The following SLC24A2 variants were observed in gnomAD, a reference collection of about 807,000 sequenced individuals.
SLC24A2 encodes sodium/potassium/calcium exchanger 2.
In SLC24A2, 36 loss-of-function variants were observed where a neutral mutation model predicts 62.0. That is an observed-to-expected ratio of 0.58 (90% CI 0.44 to 0.77). SLC24A2 has a LOEUF of 0.77. SLC24A2 is among the 30% of genes least tolerant of loss of function. SLC24A2 has a pLI of 0.00. For missense variants in SLC24A2, 846 were observed against 817.9 expected (o/e 1.03, Z -0.42); for synonymous variants, 358 against 294.0 (o/e 1.22, Z -2.23).
intron 5 of SLC24A2, among the ~76,000 whole-genome samples, chr9:19,595,377 C>T (rs139291958): frequency 6.6e-6 from 1 of 152,242 alleles, no homozygotes; most frequent in East Asian, 1.9e-4. Context: ...TTACCCATCA[C>T]TGTAATGGGG....
chr9:19,862,331 T>G, the SLC24A2 span, among the ~76,000 whole-genome samples: 608 of 152,230 alleles, frequency 4.0e-3, 3 homozygotes, highest in African/African-American at 0.014. Flanking sequence ...TACCCTAGAA[T>G]AGTATATCTG....
chr9:20,082,326 C>A, the SLC24A2 span, among the ~76,000 whole-genome samples: 1 of 152,130 alleles, frequency 6.6e-6, no homozygotes. Context: ...AGATCCAGGT[C>A]CTTATCTTCT....
the SLC24A2 span, among the ~76,000 whole-genome samples, chr9:20,113,077 A>G: frequency 6.7e-6 from 1 of 149,086 alleles, no homozygotes; most frequent in Non-Finnish European, 1.5e-5. Context: ...CCATCCTCAG[A>G]GTTTTGGGGC....
the SLC24A2 span, among the ~76,000 whole-genome samples, chr9:20,154,405 A>G: frequency 6.6e-6 from 1 of 151,732 alleles, no homozygotes; most frequent in Non-Finnish European, 1.5e-5. Context: ...AAAGGAGGAG[A>G]GAATCTGGGG....
At chr9:19,723,001 A>T (rs1169761108) in intron 2 of SLC24A2, among the ~76,000 whole-genome samples, 1 of 152,130 alleles carries the variant, frequency 6.6e-6, no homozygotes, top group Admixed American at 6.6e-5. Context: ...CACTGCAATA[A>T]GATTGTTCAA....
At chr9:19,647,057 C>G (rs1458689554) in intron 2 of SLC24A2, among the ~76,000 whole-genome samples, 12 of 31,958 alleles carry the variant, frequency 3.8e-4, no homozygotes, top group African/African-American at 1.8e-3. Flanking sequence ...TCCACACACA[C>G]ACACACGCGC....
chr9:19,545,757 G>A, intron 8 of SLC24A2, among the ~76,000 whole-genome samples: 1 of 151,816 alleles, frequency 6.6e-6, no homozygotes, highest in Non-Finnish European at 1.5e-5. Flanking sequence ...TCCTGCCTCA[G>A]CCTCCTGAGT....
the SLC24A2 span, among the ~76,000 whole-genome samples, chr9:20,230,828 T>C: frequency 6.6e-6 from 1 of 152,214 alleles, no homozygotes; most frequent in Non-Finnish European, 1.5e-5. Flanking sequence ...TCCTGAATGG[T>C]AATGCCTAGG....
the SLC24A2 span, among the ~76,000 whole-genome samples, chr9:20,208,248 G>C: frequency 6.6e-6 from 1 of 152,142 alleles, no homozygotes; most frequent in African/African-American, 2.4e-5. Context: ...ACGTGGCTGG[G>C]GTAGAAGTCT....
the SLC24A2 span, among the ~76,000 whole-genome samples, chr9:20,185,243 G>A: frequency 3.9e-5 from 6 of 152,076 alleles, no homozygotes; most frequent in Non-Finnish European, 8.8e-5. Context: ...CACACAAAAA[G>A]TATGGGAGGT....
the SLC24A2 span, among the ~76,000 whole-genome samples, chr9:20,272,148 C>T: frequency 2.0e-5 from 3 of 152,148 alleles, no homozygotes; most frequent in Admixed American, 1.3e-4. Context: ...TTGCATAATT[C>T]GTAGAGCCTA....
chr9:19,518,277 A>ATAAT (rs1170320801), intron 10 of SLC24A2, among the ~76,000 whole-genome samples: 2 of 152,222 alleles, frequency 1.3e-5, no homozygotes, highest in African/African-American at 4.8e-5. Flanking sequence ...TAGCCATAAT[A>ATAAT]TAATTCTAAG....
the SLC24A2 span, among the ~76,000 whole-genome samples, chr9:19,965,098 G>A: frequency 2.0e-5 from 3 of 152,036 alleles, no homozygotes; most frequent in East Asian, 3.9e-4. Flanking sequence ...TGGAAATGAC[G>A]AGAAAGAGCG....
At chr9:19,922,140 G>A in the SLC24A2 span, among the ~76,000 whole-genome samples, 1 of 152,256 alleles carries the variant, frequency 6.6e-6, no homozygotes, top group South Asian at 2.1e-4. Context: ...CAACCATCCA[G>A]TCTTTTAGAT....
the SLC24A2 span, among the ~76,000 whole-genome samples, chr9:19,981,119 G>C: frequency 1.3e-5 from 2 of 152,162 alleles, no homozygotes; most frequent in African/African-American, 2.4e-5. Flanking sequence ...TACAAATAAA[G>C]AATTTCTTAT....
At chr9:20,175,785 C>A in the SLC24A2 span, among the ~76,000 whole-genome samples, 4 of 151,834 alleles carry the variant, frequency 2.6e-5, no homozygotes, top group Non-Finnish European at 5.9e-5. Context: ...ACTGTAAGTT[C>A]CTTTAGATTG....
intron 8 of SLC24A2, among the ~76,000 whole-genome samples, chr9:19,546,531 C>G (rs1834581676): frequency 6.6e-6 from 1 of 152,152 alleles, no homozygotes; most frequent in Non-Finnish European, 1.5e-5. Flanking sequence ...GTTGACACCC[C>G]TTCCCCCACC....
the SLC24A2 span, among the ~76,000 whole-genome samples, chr9:20,194,967 T>A: frequency 2.0e-5 from 3 of 152,154 alleles, no homozygotes; most frequent in Non-Finnish European, 4.4e-5. Context: ...TTCTTTATAG[T>A]TTTATTACCT....
intron 2 of SLC24A2, among the ~76,000 whole-genome samples, chr9:19,661,643 CA>C (rs1267631383): frequency 6.6e-6 from 1 of 152,070 alleles, no homozygotes. Flanking sequence ...TAAGGAAGTC[CA>C]AATAAAGGGT....
Sources: gnomAD v4.1 joint callset for allele counts (sites outside exome capture counted in the v4.1 genomes callset) on GRCh38, gnomAD v4.1.1 for gene constraint, MANE v1.5 for transcripts, NCBI Gene and HGNC (gene_info 2026-07-23, HGNC 2026-07-21) for gene names.